PRX: variants seen among roughly 807,000 people sequenced by gnomAD.
PRX encodes periaxin.
In PRX, 24 loss-of-function variants were observed where a neutral mutation model predicts 29.6. That is an observed-to-expected ratio of 0.81 (90% CI 0.59 to 1.14). The LOEUF (loss-of-function observed/expected upper bound fraction) is 1.14. Among genes scored for constraint, PRX ranks in the 50% most tolerant of loss-of-function variants. The pLI, the probability that PRX is intolerant of heterozygous loss-of-function variation, is 0.00. For missense variants in PRX, 1,838 were observed against 1,926.4 expected (o/e 0.95, Z 0.86); for synonymous variants, 772 against 831.7 (o/e 0.93, Z 1.24).
Position 40,394,212 on chromosome 19 carries a change from A to G in PRX, c.4140T>C (p.Arg1380=), listed in dbSNP as rs1384980815. The G allele has an allele frequency of 6.3e-7, 1 of 1,598,288 alleles. No homozygotes were observed. Among genetic ancestry groups the G allele is most frequent in the Admixed American group, 1.7e-5 (1 of 59,084 alleles). Residue 1380 remains arginine, a synonymous_variant, in exon 7 of 7, where the codon CGT becomes CGC. Transcript: ENST00000324001. The surrounding 1 kb of genome is among the most constrained non-coding windows in gnomAD (Gnocchi z 5.8). ...RRGRVRVRLP[R]VGLAAPSKAS... ...CTTTAGAAGGGGCCGCCAGGCCTAC[A>G]CGTGGCAAGCGGACCCGGACCCGGC... is the stretch of plus-strand genomic sequence containing the variant.
rs1375923374 is a variant in PRX at position 40,395,332 on chromosome 19, A to G, written c.3020T>C (p.Val1007Ala). 6.2e-7 allele frequency: 1 copy of G among 1,613,616 alleles called. No homozygotes were observed. Among genetic ancestry groups the G allele is most frequent in the Non-Finnish European group, 8.5e-7 (1 of 1,180,000 alleles). Residue 1007 changes from valine to alanine, a missense_variant, in exon 7 of 7, where the codon GTA (valine) becomes GCA (alanine). By Grantham distance (64) the Val-to-Ala change is moderately conservative. Around this residue, in one of 3 missense-constraint regions of PRX, gnomAD observed 1,143 missense variants for 1,193.0 expected, o/e 0.96. Coordinates refer to ENST00000324001, the MANE Select transcript of PRX (RefSeq NM_181882.3). The stretch of plus-strand genomic sequence containing the variant: ...CTTGAGGTCGGCCCCTGCCACCTCT[A>G]CCTTGCCTGAGGGCAGGTGGGCATC... Reference protein sequence around the residue: ...SLDAHLPSGKVEVAGADLKFK... With the variant: ...SLDAHLPSGKAEVAGADLKFK...
At position 40,397,353 on chromosome 19, in the gene PRX, C is replaced by T; in HGVS notation, c.999G>A (p.Val333=). ...CACCCGGCAAGGCCAGGTCCACCCC[C>T]ACAGTCGGTGCTGCCACATCCAGGG... ...VPTLDVAAPT[V]GVDLALPGAE... Residue 333 remains valine (V), a synonymous_variant, in exon 7 of 7, where the codon GTG becomes GTA. Transcript: ENST00000324001. 1 of 1,612,990 alleles carries T rather than the reference C, an allele frequency of 6.2e-7. No individual in the cohort carries two copies. The highest frequency in any genetic ancestry group is 1.1e-5 in the South Asian group (1 of 91,086).
upstream of PRX, among the ~76,000 whole-genome samples, chr19:40,414,471 C>T (rs1450363015): frequency 6.6e-6 from 1 of 152,142 alleles, no homozygotes; most frequent in Non-Finnish European, 1.5e-5. Context: ...AGCTGAGGTC[C>T]AACCCCTGTT....
Position 40,394,166 on chromosome 19 carries a change from C to A in PRX, c.4186G>T (p.Asp1396Tyr), listed in dbSNP as rs566745894. ...CTGACGGGGGACTTGGGGGCTGCAT[C>A]GCCCTCCTGCCCCCGAGAGGCTTTA... ...PSKASRGQEG[D>Y]AAPKSPVREK... The change falls in exon 7 of 7, where the codon GAT becomes TAT. Residue 1396 changes from aspartate to tyrosine, a missense_variant. Physicochemically the swap from Asp to Tyr is radical, Grantham distance 160 (BLOSUM62 -3). Coordinates refer to ENST00000324001, the MANE Select transcript of PRX (RefSeq NM_181882.3). The surrounding 1 kb of genome is among the most constrained non-coding windows in gnomAD (Gnocchi z 5.8). 4 of 1,587,852 alleles carry A rather than the reference C, an allele frequency of 2.5e-6. No homozygotes were observed. The East Asian group carries it at 9.0e-5, about 36-fold the overall frequency.
intron 5 of PRX, among the ~76,000 whole-genome samples, chr19:40,399,867 C>CT (rs1251262540): frequency 1.5e-5 from 1 of 64,814 alleles, no homozygotes; most frequent in Non-Finnish European, 3.2e-5. Context: ...TTCTTTCTTT[C>CT]TTTCTTTCTT....
chr19:40,408,893 C>T (rs1057310336), intron 1 of PRX, among the ~76,000 whole-genome samples: 3 of 151,926 alleles, frequency 2.0e-5, no homozygotes, highest in South Asian at 4.1e-4. Context: ...TGCAATGGCG[C>T]GATCTTGGCT....
At chr19:40,413,838 G>A (rs974622514), upstream of PRX, among the ~76,000 whole-genome samples, 7 of 152,246 alleles carry the variant, frequency 4.6e-5, no homozygotes, top group African/African-American at 1.7e-4. Context: ...TTATGGGGCT[G>A]TGGTGAAGAT....
At chr19:40,400,592 C>CAAAAAAAAAAACAAAA (rs2079487428) in intron 5 of PRX, among the ~76,000 whole-genome samples, 1 of 44,818 alleles carries the variant, frequency 2.2e-5, no homozygotes, top group Non-Finnish European at 3.8e-5. Flanking sequence ...AATTCCATCT[C>CAAAAAAAAAAACAAAA]AAAAAAAAAA....
At chr19:40,405,964 A>G (rs1012697804) in intron 4 of PRX, among the ~76,000 whole-genome samples, 1 of 150,318 alleles carries the variant, frequency 6.7e-6, no homozygotes, top group African/African-American at 2.4e-5. Flanking sequence ...AGTCGGAGTC[A>G]GGCCAGGCGC....
At chr19:40,403,586 C>CA in intron 5 of PRX, 120 bp downstream of exon 5, 2 of 1,286,320 alleles carry the variant, frequency 1.6e-6, no homozygotes, top group Non-Finnish European at 1.0e-6. Context: ...CCCTTAACCC[C>CA]TCCTGGTCGC....
chr19:40,401,825 T>C (rs1171253132), intron 5 of PRX, among the ~76,000 whole-genome samples: 1 of 149,068 alleles, frequency 6.7e-6, no homozygotes, highest in African/African-American at 2.5e-5. Context: ...TGGAGTGAAG[T>C]GGCGCGAACT....
Position 40,397,235 on chromosome 19 carries a change from C to A in PRX, c.1117G>T (p.Ala373Ser), listed in dbSNP as rs1412239624. Residue 373 changes from alanine to serine, a missense_variant, in exon 7 of 7, where the codon GCT becomes TCT. Physicochemically the swap from Ala to Ser is moderately conservative, Grantham distance 99. Around this residue, in one of 3 missense-constraint regions of PRX, gnomAD observed 666 missense variants for 665.0 expected, o/e 1.00. Coordinates refer to ENST00000324001, the MANE Select transcript of PRX (RefSeq NM_181882.3). ...CTGACCTTGGCTACCTTGGCCTCAG[C>A]AACTTCCTTTGCTCGAGCCCCAAAT... is the stretch of plus-strand genomic sequence containing the variant. The part of the protein sequence containing the change: ...PRFGARAKEV[A>S]EAKVAKVSPE... 2.5e-6 allele frequency: 4 copies of A among 1,613,810 alleles called. No homozygotes were observed. The highest frequency in any genetic ancestry group is 4.5e-5 in the East Asian group (2 of 44,884).
intron 5 of PRX, among the ~76,000 whole-genome samples, chr19:40,402,838 A>G (rs2079505787): frequency 1.3e-5 from 2 of 150,350 alleles, no homozygotes; most frequent in African/African-American, 4.9e-5. Context: ...ACTGTTGTTC[A>G]GTTTTGTTCA....
At chr19:40,408,080 T>G (rs2079540800) in intron 3 of PRX, 49 bp from the exon 4 acceptor site, 1 of 1,023,840 alleles carries the variant, frequency 9.8e-7, no homozygotes, top group South Asian at 1.4e-5. Context: ...GGACGAGAGG[T>G]GGAGGCCATG....
chr19:40,397,755 G>C lies in PRX; in HGVS notation c.597C>G (p.Ala199=), dbSNP rs144157275. The change falls in exon 7 of 7, where the codon GCC becomes GCG. Residue 199 remains alanine (A), a synonymous_variant. Coordinates refer to ENST00000324001, the MANE Select transcript of PRX (RefSeq NM_181882.3). ...CCAGCCGGGCTGCCTGAGCCTCTTCGGCCACTTCTCGTACACGCAGCCGAG... is the reference window on the plus strand; with the variant it reads ...CCAGCCGGGCTGCCTGAGCCTCTTCCGCCACTTCTCGTACACGCAGCCGAG... ...QLPRLRVREV[A]EEAQAARLAA... is the part of the protein sequence containing the mutation. 7 of 1,565,294 alleles carry C rather than the reference G, an allele frequency of 4.5e-6. No individual in the cohort carries two copies. Among genetic ancestry groups the C allele is most frequent in the South Asian group, 1.2e-5 (1 of 85,654 alleles).
intron 1 of PRX, among the ~76,000 whole-genome samples, chr19:40,408,947 C>G (rs1012740022): frequency 6.6e-6 from 1 of 152,026 alleles, no homozygotes; most frequent in Admixed American, 6.6e-5. Flanking sequence ...TCTCCCGCCT[C>G]AGCCTCCCGA....
At position 40,397,822 on chromosome 19, in the gene PRX, C is replaced by G; in HGVS notation, c.530G>C (p.Gly177Ala). Residue 177 changes from glycine to alanine, a missense_variant, in exon 7 of 7, where the codon GGT becomes GCT. Transcript: ENST00000324001. ...GCGGGCAGGGGCAGCCGGGACAGGA[C>G]CCTTGACAGCCTCGGCTTTGAGGCC... The part of the protein sequence containing the change: ...RRGLKAEAVK[G>A]PVPAAPARRR... The G allele has an allele frequency of 6.3e-7, 1 of 1,591,418 alleles. No homozygotes were observed.
Position 40,395,935 on chromosome 19 carries a change from A to G in PRX, c.2417T>C (p.Met806Thr). 6.2e-7 allele frequency: 1 copy of G among 1,614,158 alleles called. No homozygotes were observed. Among genetic ancestry groups the G allele is most frequent in the Non-Finnish European group, 8.5e-7 (1 of 1,180,022 alleles). The change falls in exon 7 of 7, where the codon ATG becomes ACG. Residue 806 changes from methionine to threonine, a missense_variant. By Grantham distance (81) the Met-to-Thr change is moderately conservative. Transcript: ENST00000324001. ...GGACTCTGCCCTCCCTAGCTTGGGCATGGTCATCTTGGGCATCTTGAAGCC... is the reference window on the plus strand; with the variant it reads ...GGACTCTGCCCTCCCTAGCTTGGGCGTGGTCATCTTGGGCATCTTGAAGCC... ...EFGFKMPKMT[M>T]PKLGRAESPS...
intron 1 of PRX, among the ~76,000 whole-genome samples, chr19:40,409,948 C>A (rs192217493): frequency 6.6e-6 from 1 of 152,212 alleles, no homozygotes; most frequent in East Asian, 1.9e-4. Flanking sequence ...CACAAATGGT[C>A]GAGCCAGGAC....
Sources: gnomAD v4.1 joint callset for allele counts (sites outside exome capture counted in the v4.1 genomes callset) on GRCh38, gnomAD v4.1.1 for gene constraint, gnomAD v4.1.1 regional missense constraint, Gnocchi (gnomAD v3.1) non-coding constraint, MANE v1.5 for transcripts, NCBI Gene and HGNC (gene_info 2026-07-23, HGNC 2026-07-21) for gene names.